Variants in FHIT observed in about 807,000 individuals in gnomAD.
FHIT encodes bis(5'-adenosyl)-triphosphatase.
A neutral mutation model predicts 17.9 loss-of-function variants in FHIT; 19 were observed. That is an observed-to-expected ratio of 1.06 (90% CI 0.74 to 1.56). The LOEUF (loss-of-function observed/expected upper bound fraction) is 1.56. FHIT is among the 40% of genes most tolerant of loss of function. FHIT has a pLI of 0.00. For synonymous variants in FHIT, 81 were observed against 69.7 expected (o/e 1.16, Z -0.81); for missense variants, 248 against 189.2 (o/e 1.31, Z -1.82).
intron 5 of FHIT, among the ~76,000 whole-genome samples, chr3:60,405,754 G>C (rs1221538105): frequency 6.6e-6 from 1 of 152,196 alleles, no homozygotes; most frequent in Non-Finnish European, 1.5e-5. Flanking sequence ...GGTGCTACAG[G>C]CATCTACTGA....
intron 5 of FHIT, among the ~76,000 whole-genome samples, chr3:60,280,987 T>A (rs1157281750): frequency 5.1e-4 from 1 of 1,952 alleles, no homozygotes; most frequent in Non-Finnish European, 1.8e-3. Context: ...ACTGCAGCAA[T>A]GTTTCAGGAT....
intron 5 of FHIT, among the ~76,000 whole-genome samples, chr3:60,269,355 C>T (rs1330368508): frequency 1.3e-5 from 2 of 152,140 alleles, no homozygotes; most frequent in African/African-American, 4.8e-5. Context: ...TCTAGAATTT[C>T]TTTCCATTTG....
At chr3:61,205,027 T>C (rs1422770206) in intron 1 of FHIT, among the ~76,000 whole-genome samples, 3 of 143,678 alleles carry the variant, frequency 2.1e-5, no homozygotes, top group Non-Finnish European at 4.5e-5. Flanking sequence ...TGTGTCCATG[T>C]GTTCTCATTG....
At chr3:60,174,567 G>A (rs950005265) in intron 5 of FHIT, among the ~76,000 whole-genome samples, 1 of 151,058 alleles carries the variant, frequency 6.6e-6, no homozygotes, top group Non-Finnish European at 1.5e-5. Context: ...AATATAATTT[G>A]GCCAAAATCA....
At chr3:60,909,985 A>G (rs1376173508) in intron 3 of FHIT, among the ~76,000 whole-genome samples, 1 of 152,200 alleles carries the variant, frequency 6.6e-6, no homozygotes, top group Non-Finnish European at 1.5e-5. Flanking sequence ...CACCCCTCCT[A>G]GATCTATAAG....
intron 5 of FHIT, among the ~76,000 whole-genome samples, chr3:60,102,404 G>A (rs1704231120): frequency 6.6e-6 from 1 of 152,174 alleles, no homozygotes; most frequent in Non-Finnish European, 1.5e-5. Flanking sequence ...AACGAGAAAT[G>A]CAACATGGGG....
At chr3:60,282,442 A>G (rs994278815) in intron 5 of FHIT, among the ~76,000 whole-genome samples, 1 of 152,190 alleles carries the variant, frequency 6.6e-6, no homozygotes, top group Non-Finnish European at 1.5e-5. Flanking sequence ...GGGATCCAAT[A>G]TAGTTTCTTA....
At chr3:60,301,391 A>T (rs921476533) in intron 5 of FHIT, among the ~76,000 whole-genome samples, 2 of 152,142 alleles carry the variant, frequency 1.3e-5, no homozygotes, top group African/African-American at 4.8e-5. Context: ...AAACAAGTAC[A>T]CTGTATCTCG....
rs534804680 is a variant in FHIT at position 60,070,280 on chromosome 3, G to A, written c.104-56128C>T. ...CCCAAGATATGATGATGGAGGTGTG[G>A]ACCATGTCTGTCTCTACATCACCAT... On this transcript the variant is annotated intron_variant, in intron 5 of 9. Coordinates refer to ENST00000492590, the MANE Select transcript of FHIT (RefSeq NM_002012.4). Among the ~76,000 whole-genome samples the A allele has an allele frequency of 3.9e-4, 59 of 152,326 alleles. 1 individual carries two copies. The South Asian group carries it at 0.012, about 30-fold the overall frequency.
At chr3:60,835,080 GT>G in intron 3 of FHIT, among the ~76,000 whole-genome samples, 1 of 152,094 alleles carries the variant, frequency 6.6e-6, no homozygotes, top group East Asian at 1.9e-4. Flanking sequence ...TCTTTATTCT[GT>G]TCCGTTGATC....
At chr3:60,660,727 C>CTTTTTTTTTTTTTTTTTT (rs1220817643) in intron 4 of FHIT, among the ~76,000 whole-genome samples, 8 of 16,752 alleles carry the variant, frequency 4.8e-4, no homozygotes, top group African/African-American at 6.8e-4. Context: ...TTTTATTGTG[C>CTTTTTTTTTTTTTTTTTT]TCTTTTTTTT....
At chr3:60,182,598 C>G (rs1194028232) in intron 5 of FHIT, among the ~76,000 whole-genome samples, 1 of 151,920 alleles carries the variant, frequency 6.6e-6, no homozygotes, top group Non-Finnish European at 1.5e-5. Context: ...GGCAACATGG[C>G]AAGTTCCTGT....
chr3:60,758,637 G>T (rs1169825910), intron 4 of FHIT, among the ~76,000 whole-genome samples: 2 of 152,214 alleles, frequency 1.3e-5, no homozygotes, highest in Non-Finnish European at 2.9e-5. Flanking sequence ...CAGGCCAATT[G>T]TTAGAGCTGT....
chr3:60,452,904 A>T (rs73836735), intron 5 of FHIT, among the ~76,000 whole-genome samples: 1 of 152,330 alleles, frequency 6.6e-6, no homozygotes, highest in African/African-American at 2.4e-5. Flanking sequence ...TGAAATATCT[A>T]AAGTTCATAT....
chr3:59,897,324 G>A (rs1344957080), intron 8 of FHIT, among the ~76,000 whole-genome samples: 1 of 152,180 alleles, frequency 6.6e-6, no homozygotes, highest in Non-Finnish European at 1.5e-5. Context: ...CCTATAGTCT[G>A]CAAACTCCTG....
At chr3:60,565,810 A>T (rs948004444) in intron 4 of FHIT, among the ~76,000 whole-genome samples, 3 of 152,018 alleles carry the variant, frequency 2.0e-5, no homozygotes, top group Non-Finnish European at 4.4e-5. Context: ...TAGCTTTTGA[A>T]TGTGTTTGCT....
In FHIT at chr3:60,515,132, C is replaced by T. The variant is rs72883937; in HGVS notation, c.103+21728G>A. On this transcript the variant is annotated intron_variant, in intron 5 of 9. Transcript: ENST00000492590. Reference sequence around the variant, plus strand: ...CTGGAGGAAAGCCTCTGACCTGGAGCCGAGGGAGAGCTGCTAGATAAACAA... The same window carrying T: ...CTGGAGGAAAGCCTCTGACCTGGAGTCGAGGGAGAGCTGCTAGATAAACAA... Among the ~76,000 whole-genome samples the T allele has an allele frequency of 5.8e-3, 878 of 152,136 alleles. 7 individuals carry two copies. Among genetic ancestry groups the T allele is most frequent in the African/African-American group, 0.02 (826 of 41,494 alleles).
chr3:60,297,416 T>C (rs1008006900), intron 5 of FHIT, among the ~76,000 whole-genome samples: 3 of 152,142 alleles, frequency 2.0e-5, no homozygotes, highest in African/African-American at 7.2e-5. Flanking sequence ...GTATTTTTTA[T>C]TTGGTATCTA....
intron 8 of FHIT, among the ~76,000 whole-genome samples, chr3:59,920,737 T>C (rs1192771307): frequency 3.9e-5 from 6 of 152,190 alleles, no homozygotes; most frequent in Non-Finnish European, 5.9e-5. Context: ...ATTAGTGAGA[T>C]TGGTATTTGT....
Sources: allele counts gnomAD v4.1 joint callset (sites outside exome capture counted in the v4.1 genomes callset), GRCh38; gene constraint gnomAD v4.1.1; transcripts MANE v1.5; gene names NCBI Gene and HGNC (gene_info 2026-07-23, HGNC 2026-07-21).